DGKB: variants seen among roughly 807,000 people sequenced by gnomAD.
The protein encoded by DGKB is 90 kDa diacylglycerol kinase.
Under a neutral mutation model 114.3 loss-of-function variants are expected in DGKB, and 67 were observed. That is an observed-to-expected ratio of 0.59 (90% CI 0.48 to 0.72). The LOEUF (loss-of-function observed/expected upper bound fraction) is 0.72. Among genes scored for constraint, DGKB ranks in the 30% least tolerant of loss-of-function variants. The pLI, the probability that DGKB is intolerant of heterozygous loss-of-function variation, is 0.00. For missense variants in DGKB, 907 were observed against 975.2 expected, an observed-to-expected ratio of 0.93 and a Z score of 0.93; for synonymous variants, 398 against 323.1, an observed-to-expected ratio of 1.23 and a Z score of -2.49.
chr7:14,880,244 A>AG (rs5882473), intron 1 of DGKB, among the ~76,000 whole-genome samples: 152,096 of 152,280 alleles, frequency 1, 75,956 homozygotes, highest in Non-Finnish European at 1. Flanking sequence ...GCGGATCACA[A>AG]GCCAGGAGTT....
chr7:14,970,917 G>T (rs1250596996), intron 1 of DGKB, among the ~76,000 whole-genome samples: 1 of 152,122 alleles, frequency 6.6e-6, no homozygotes, highest in Admixed American at 6.6e-5. Context: ...AGGGAAATAA[G>T]GTCAGGAAGT....
chr7:14,751,393 T>C (rs1239182683), intron 4 of DGKB, among the ~76,000 whole-genome samples: 1 of 152,360 alleles, frequency 6.6e-6, no homozygotes, highest in East Asian at 1.9e-4. Context: ...CTTGTTTATT[T>C]ATTTCCCAAA....
chr7:14,944,583 C>T (rs1785759168), intron 1 of DGKB, among the ~76,000 whole-genome samples: 1 of 151,692 alleles, frequency 6.6e-6, no homozygotes. Flanking sequence ...ATTAATTTTT[C>T]TGGAAATTTC....
At chr7:14,779,150 C>T (rs558595359) in intron 2 of DGKB, among the ~76,000 whole-genome samples, 11 of 151,944 alleles carry the variant, frequency 7.2e-5, no homozygotes, top group Non-Finnish European at 1.3e-4. Flanking sequence ...AGTGAGACTC[C>T]ATCTCAAAAA....
intron 17 of DGKB, among the ~76,000 whole-genome samples, chr7:14,606,309 A>T (rs1369957367): frequency 6.6e-6 from 1 of 152,026 alleles, no homozygotes; most frequent in African/African-American, 2.4e-5. Context: ...CATTGTTCTG[A>T]ACTAAATTCC....
intron 14 of DGKB, among the ~76,000 whole-genome samples, chr7:14,625,694 A>G (rs1275190126): frequency 6.6e-6 from 1 of 152,178 alleles, no homozygotes. Flanking sequence ...TCCTTCTGCC[A>G]GATAAATCAT....
intron 2 of DGKB, among the ~76,000 whole-genome samples, chr7:14,758,843 T>C (rs1835250100): frequency 6.6e-6 from 1 of 152,152 alleles, no homozygotes; most frequent in Non-Finnish European, 1.5e-5. Flanking sequence ...TTTCCTTTCT[T>C]TATATTGTAA....
intron 2 of DGKB, among the ~76,000 whole-genome samples, chr7:14,817,504 A>T (rs1844324015): frequency 6.6e-6 from 1 of 152,206 alleles, no homozygotes; most frequent in Admixed American, 6.5e-5. Context: ...CGATAAAAAC[A>T]ATCAGAATGG....
At chr7:14,682,307 C>CA (rs2128969093) in intron 12 of DGKB, among the ~76,000 whole-genome samples, 1 of 152,200 alleles carries the variant, frequency 6.6e-6, no homozygotes, top group East Asian at 1.9e-4. Flanking sequence ...CCATGGAACA[C>CA]AGTTTAAAAA....
intron 23 of DGKB, among the ~76,000 whole-genome samples, chr7:14,297,817 GC>G (rs768650325): frequency 6.6e-6 from 1 of 152,252 alleles, no homozygotes; most frequent in East Asian, 1.9e-4. Context: ...CATCATCTCA[GC>G]CCCAAATCTC....
intron 21 of DGKB, among the ~76,000 whole-genome samples, chr7:14,474,111 G>A (rs1470498769): frequency 6.6e-6 from 1 of 152,146 alleles, no homozygotes; most frequent in African/African-American, 2.4e-5. Flanking sequence ...GAATGATATG[G>A]TTTGGCCATA....
chr7:14,743,101 A>G (rs1274477865), intron 4 of DGKB, among the ~76,000 whole-genome samples: 1 of 152,200 alleles, frequency 6.6e-6, no homozygotes, highest in African/African-American at 2.4e-5. Flanking sequence ...AAGGGTTATA[A>G]AAGGTTTTTA....
chr7:14,631,038 C>A (rs1203773537), intron 13 of DGKB, among the ~76,000 whole-genome samples: 3 of 150,960 alleles, frequency 2.0e-5, no homozygotes, highest in African/African-American at 7.3e-5. Flanking sequence ...TAAAGTTTCC[C>A]CATGCTGGAA....
intron 21 of DGKB, among the ~76,000 whole-genome samples, chr7:14,383,504 T>C (rs940978593): frequency 1.1e-4 from 16 of 152,182 alleles, no homozygotes; most frequent in African/African-American, 3.9e-4. Context: ...GTCTTATGTG[T>C]TGGCTTTCCA....
In DGKB at chr7:14,189,390, C is replaced by A. The variant is rs568049448; in HGVS notation, c.2123-11239G>T. ...TCTTTATGTTAGCCTGTGGTAATCA[C>A]AAACAAATAATGTACTGCAGACAAT... On this transcript the variant is annotated intron_variant, in intron 23 of 25. Transcript: ENST00000402815. Among the ~76,000 whole-genome samples the A allele has an allele frequency of 9.2e-5, 14 of 151,704 alleles. No individual in the cohort carries two copies. The South Asian group carries it at 2.9e-3, about 31-fold the overall frequency.
chr7:14,952,328 G>T (rs944808707), intron 1 of DGKB, among the ~76,000 whole-genome samples: 4 of 151,954 alleles, frequency 2.6e-5, no homozygotes, highest in Non-Finnish European at 5.9e-5. Flanking sequence ...ATGGTACTTT[G>T]ATATGACAGT....
At chr7:14,404,053 C>T (rs771850947) in intron 21 of DGKB, among the ~76,000 whole-genome samples, 1 of 151,688 alleles carries the variant, frequency 6.6e-6, no homozygotes, top group Non-Finnish European at 1.5e-5. Flanking sequence ...CATTTTATCA[C>T]ATCAAAGAGA....
intron 1 of DGKB, among the ~76,000 whole-genome samples, chr7:14,865,616 T>A (rs1285683259): frequency 6.6e-6 from 1 of 152,238 alleles, no homozygotes; most frequent in Non-Finnish European, 1.5e-5. Context: ...CTAAAATGGT[T>A]CCTGTATCTT....
At chr7:14,193,219 T>G (rs879019251) in intron 23 of DGKB, among the ~76,000 whole-genome samples, 2 of 147,576 alleles carry the variant, frequency 1.4e-5, no homozygotes, top group Admixed American at 1.3e-4. Context: ...AACTACAAAA[T>G]ACCCTAAATA....
Sources: allele counts gnomAD v4.1 joint callset (sites outside exome capture counted in the v4.1 genomes callset), GRCh38; gene constraint gnomAD v4.1.1; transcripts MANE v1.5; gene names NCBI Gene and HGNC (gene_info 2026-07-23, HGNC 2026-07-21).